The following CLEC12B variants were observed in gnomAD, a reference collection of about 807,000 sequenced individuals.
The protein encoded by CLEC12B is macrophage antigen h.
Under a neutral mutation model 36.1 loss-of-function variants are expected in CLEC12B, and 25 were observed. The ratio of observed to expected loss-of-function variants is 0.69; its 90% confidence interval spans 0.50 to 0.97. CLEC12B has a LOEUF of 0.97. Among genes scored for constraint, CLEC12B ranks in the 50% least tolerant of loss-of-function variants. The probability of loss-of-function intolerance (pLI) is 0.00; values close to 1 mark genes in which losing one functional copy is unlikely to be tolerated. For synonymous variants in CLEC12B, 110 were observed against 108.5 expected, an observed-to-expected ratio of 1.01 and a Z score of -0.09; for missense variants, 325 against 318.4, an observed-to-expected ratio of 1.02 and a Z score of -0.16.
At chr12:10,017,160 A>C in intron 5 of CLEC12B, 1 of 985,296 alleles carries the variant, frequency 1.0e-6, no homozygotes, top group East Asian at 1.1e-4. Flanking sequence ...CTACTCAAAC[A>C]CTAATCCCCC....
chr12:10,006,824 G>T (rs1865232889), upstream of CLEC12B, among the ~76,000 whole-genome samples: 1 of 152,104 alleles, frequency 6.6e-6, no homozygotes, highest in Non-Finnish European at 1.5e-5. Flanking sequence ...GGGAGGCCGA[G>T]GGGGACAGAT....
At position 10,010,942 on chromosome 12, in the gene CLEC12B, CAT is replaced by C. The variant is rs1865313952; in HGVS notation, c.91+93_91+94del. 1.3e-5 allele frequency: 10 copies of C among 744,946 alleles called. 1 individual carries two copies. The South Asian group carries it at 1.6e-4, about 12-fold the overall frequency. The allele number at this position is 744,946 out of a possible 1,614,324, so 46.1% of individuals were successfully genotyped here. ...CCAGCTTTAATACTGGCGTTAAAGA[CAT>C]GTGCTGTGAAATCTCCAAAATGGGG... On this transcript the variant is annotated intron_variant, in intron 1 of 5. Transcript: ENST00000338896.
rs1034852849 is a variant in CLEC12B at position 10,018,505 on chromosome 12, G to A, written c.*24G>A. ...AGTATGCTTCTTCCAAATTCTCCAA[G>A]AAGTAAGAGACTTGTGAGTAAGCTC... is the stretch of plus-strand genomic sequence containing the variant. On this transcript the variant is annotated 3_prime_UTR_variant, in exon 6 of 6. Transcript: ENST00000338896. The A allele has an allele frequency of 6.5e-7, 1 of 1,542,190 alleles. No individual in the cohort carries two copies. The highest frequency in any genetic ancestry group is 1.4e-5 in the African/African-American group (1 of 72,526).
At chr12:10,008,213 G>A (rs1396044902), upstream of CLEC12B, among the ~76,000 whole-genome samples, 1 of 152,154 alleles carries the variant, frequency 6.6e-6, no homozygotes, top group Non-Finnish European at 1.5e-5. Flanking sequence ...TATGACTAGT[G>A]TGACCTAGGA....
upstream of CLEC12B, among the ~76,000 whole-genome samples, chr12:10,007,033 C>T (rs775826090): frequency 2.7e-5 from 4 of 148,806 alleles, no homozygotes; most frequent in Non-Finnish European, 5.9e-5. Flanking sequence ...CCAGCCTGGG[C>T]AACAGAGCTA....
intron 5 of CLEC12B, among the ~76,000 whole-genome samples, 153 bp from the exon 6 acceptor site, chr12:10,018,178 A>T (rs969266601): frequency 6.6e-6 from 1 of 152,176 alleles, no homozygotes; most frequent in African/African-American, 2.4e-5. Flanking sequence ...ATTTTGTGCC[A>T]GCTTTAGGCA....
At chr12:10,007,480 T>C (rs988315799), upstream of CLEC12B, among the ~76,000 whole-genome samples, 3 of 152,208 alleles carry the variant, frequency 2.0e-5, no homozygotes, top group African/African-American at 7.2e-5. Flanking sequence ...TGTTTTGGTA[T>C]ATTTGACTAG....
chr12:10,017,945 C>G, intron 5 of CLEC12B: 2 of 956,536 alleles, frequency 2.1e-6, no homozygotes, highest in South Asian at 9.7e-5. Flanking sequence ...TAACTTTTTA[C>G]AACAGAATGT....
intron 5 of CLEC12B, chr12:10,017,801 G>A: frequency 2.2e-6 from 2 of 907,442 alleles, no homozygotes; most frequent in Non-Finnish European, 2.6e-6. Flanking sequence ...CTTAGCAGAG[G>A]AAATGAATAC....
upstream of CLEC12B, among the ~76,000 whole-genome samples, chr12:10,010,198 T>TCACACACACACACACA (rs750091791): frequency 2.9e-4 from 28 of 96,808 alleles, no homozygotes; most frequent in Admixed American, 4.6e-4. Context: ...TCTGTCTCTC[T>TCACACACACACACACA]CTCACACACA....
intron 1 of CLEC12B, among the ~76,000 whole-genome samples, chr12:10,011,388 A>G (rs897062045): frequency 6.6e-6 from 1 of 152,194 alleles, no homozygotes; most frequent in Non-Finnish European, 1.5e-5. Context: ...AACCAGTAAT[A>G]ATAGTATCTG....
At chr12:10,008,234 A>T (rs978330546), upstream of CLEC12B, among the ~76,000 whole-genome samples, 3 of 152,238 alleles carry the variant, frequency 2.0e-5, no homozygotes, top group Non-Finnish European at 4.4e-5. Context: ...AATAAATTTT[A>T]AATTTAATTT....
chr12:10,010,121 G>T (rs1162133556), upstream of CLEC12B, among the ~76,000 whole-genome samples: 1 of 151,662 alleles, frequency 6.6e-6, no homozygotes, highest in African/African-American at 2.4e-5. Flanking sequence ...GTAGCTATCA[G>T]TTTCTTCTCC....
At chr12:10,010,167 GTCTC>G (rs1295770472), upstream of CLEC12B, among the ~76,000 whole-genome samples, 93 of 129,124 alleles carry the variant, frequency 7.2e-4, 2 homozygotes, top group East Asian at 0.01. Flanking sequence ...CTCTCTCTCT[GTCTC>G]TCTCTCTCTG....
At chr12:10,009,737 G>T (rs1488446606), upstream of CLEC12B, among the ~76,000 whole-genome samples, 2 of 152,178 alleles carry the variant, frequency 1.3e-5, no homozygotes, top group South Asian at 2.1e-4. Context: ...TCTCCACACA[G>T]ATATGAACCT....
chr12:10,007,321 TAG>T (rs1865242340), upstream of CLEC12B, among the ~76,000 whole-genome samples: 2 of 151,732 alleles, frequency 1.3e-5, no homozygotes, highest in African/African-American at 4.8e-5. Context: ...GAAAAATTGA[TAG>T]AAAGAGAAAA....
upstream of CLEC12B, among the ~76,000 whole-genome samples, chr12:10,007,806 G>T (rs536941525): frequency 6.6e-6 from 1 of 152,240 alleles, no homozygotes; most frequent in African/African-American, 2.4e-5. Context: ...TATGATGAAT[G>T]AAGAGGTAAG....
chr12:10,016,044 T>C, intron 5 of CLEC12B: 1 of 961,776 alleles, frequency 1.0e-6, no homozygotes, highest in East Asian at 8.3e-5. Context: ...TAGGTAGAAA[T>C]ATTATAATAG....
rs1265719755 is a variant in CLEC12B at position 10,012,856 on chromosome 12, A to T, written c.163A>T (p.Ile55Phe). ...GLVTLCLMLL[I>F]GLVTLGMMFL... Reference sequence around the variant, plus strand: ...GGTAACTCTTTGCCTGATGTTGCTGATTGGGCTGGTGACATTGGGGATGAT... The same window carrying T: ...GGTAACTCTTTGCCTGATGTTGCTGTTTGGGCTGGTGACATTGGGGATGAT... Residue 55 changes from isoleucine to phenylalanine, a missense_variant, in exon 2 of 6, where the codon ATT becomes TTT. Transcript: ENST00000338896. 1 of 1,613,704 alleles carries T rather than the reference A, an allele frequency of 6.2e-7. No homozygotes were observed. Among genetic ancestry groups the T allele is most frequent in the Non-Finnish European group, 8.5e-7 (1 of 1,179,818 alleles).
Sources: allele counts gnomAD v4.1 joint callset (sites outside exome capture counted in the v4.1 genomes callset), GRCh38; gene constraint gnomAD v4.1.1; transcripts MANE v1.5; gene names NCBI Gene and HGNC (gene_info 2026-07-23, HGNC 2026-07-21).